The following CAMTA1 variants were observed in gnomAD, a reference collection of about 807,000 sequenced individuals.
CAMTA1 encodes the protein calmodulin-binding transcription activator 1.
Under a neutral mutation model 170.9 loss-of-function variants are expected in CAMTA1, and 27 were observed. That is an observed-to-expected ratio of 0.16 (90% CI 0.12 to 0.22). The LOEUF is 0.22. Ranked by LOEUF, CAMTA1 falls within the 10% of genes least tolerant of loss-of-function variation. CAMTA1 has a pLI of 1.00. For missense variants in CAMTA1, 1,619 were observed against 2,217.2 expected, an observed-to-expected ratio of 0.73 and a Z score of 5.42; for synonymous variants, 833 against 891.5, an observed-to-expected ratio of 0.93 and a Z score of 1.17.
chr1:7,042,556 A>G (rs1704632863), intron 3 of CAMTA1, among the ~76,000 whole-genome samples: 1 of 152,178 alleles, frequency 6.6e-6, no homozygotes, highest in Non-Finnish European at 1.5e-5. Context: ...CTTTTGCTAA[A>G]AACCTCCCTG....
At chr1:7,336,410 G>A (rs747187144) in intron 5 of CAMTA1, among the ~76,000 whole-genome samples, 1 of 152,246 alleles carries the variant, frequency 6.6e-6, no homozygotes, top group Non-Finnish European at 1.5e-5. Flanking sequence ...CAGACCAGGC[G>A]AATTGACTTG....
intron 11 of CAMTA1, among the ~76,000 whole-genome samples, chr1:7,703,097 CAG>C (rs2096459931): frequency 6.6e-6 from 1 of 152,312 alleles, no homozygotes; most frequent in African/African-American, 2.4e-5. Flanking sequence ...GGAAAACAAA[CAG>C]AACTCACTCA....
rs1033581848 is a variant in CAMTA1 at position 7,198,111 on chromosome 1, G to A, written c.303-51380G>A. Among the ~76,000 whole-genome samples the A allele has an allele frequency of 3.3e-5, 5 of 152,152 alleles. No individual in the cohort carries two copies. The East Asian group carries it at 9.6e-4, about 29-fold the overall frequency. On this transcript the variant is annotated intron_variant, in intron 4 of 22. Transcript: ENST00000303635. The stretch of plus-strand genomic sequence containing the variant: ...GATCCCCTGCTAGAACTTACTGATA[G>A]TAAGTTCTAGGATATTGGGGTGACC...
chr1:7,033,893 CTATTCTTATAAA>C (rs71568673), intron 3 of CAMTA1, among the ~76,000 whole-genome samples: 30,503 of 151,954 alleles, frequency 0.2, 3,278 homozygotes, highest in Non-Finnish European at 0.25. Flanking sequence ...CGTGCCCAGC[CTATTCTTATAAA>C]TATTCTTGAG....
intron 3 of CAMTA1, among the ~76,000 whole-genome samples, chr1:6,956,725 C>T (rs1305571808): frequency 6.6e-6 from 1 of 152,174 alleles, no homozygotes; most frequent in East Asian, 1.9e-4. Context: ...TTGTCATAAA[C>T]CACTTGTTCT....
At chr1:7,180,216 A>G (rs1558212250) in intron 4 of CAMTA1, among the ~76,000 whole-genome samples, 2 of 152,034 alleles carry the variant, frequency 1.3e-5, no homozygotes, top group African/African-American at 4.8e-5. Flanking sequence ...AAAATACAAA[A>G]ATTAGCTGAG....
At chr1:6,859,637 A>G (rs1368092029) in intron 3 of CAMTA1, among the ~76,000 whole-genome samples, 2 of 152,000 alleles carry the variant, frequency 1.3e-5, no homozygotes, top group Non-Finnish European at 2.9e-5. Context: ...AAAATAAACA[A>G]AATTAGCTGG....
chr1:7,758,230 A>G (rs1329553645), intron 22 of CAMTA1, among the ~76,000 whole-genome samples: 1 of 152,190 alleles, frequency 6.6e-6, no homozygotes, highest in East Asian at 1.9e-4. Context: ...TATGTTAATG[A>G]CCGTTTTTAA....
intron 3 of CAMTA1, among the ~76,000 whole-genome samples, chr1:7,018,144 TAACAGA>T: frequency 6.6e-6 from 1 of 151,458 alleles, no homozygotes; most frequent in East Asian, 1.9e-4. Flanking sequence ...CAGGGCTTTT[TAACAGA>T]TGGTCTCAGG....
intron 5 of CAMTA1, among the ~76,000 whole-genome samples, chr1:7,391,052 C>G (rs2088651882): frequency 6.6e-6 from 1 of 151,696 alleles, no homozygotes; most frequent in Non-Finnish European, 1.5e-5. Context: ...GGCTGGAGTG[C>G]AGTGACGCGA....
chr1:7,561,736 C>T lies in CAMTA1; in HGVS notation c.511-78664C>T, dbSNP rs938101601. ...CACTGTGTTAGATTCTTCACGACGC[C>T]TGTCAGAGGCCACCCCTCCCCAGCC... On this transcript the variant is annotated intron_variant, in intron 6 of 22. Transcript: ENST00000303635. This position sits in a 1 kb window ranked among gnomAD's most constrained non-coding sequence, Gnocchi z 5.3. 3.9e-5 allele frequency among the ~76,000 whole-genome samples: 6 copies of T among 152,030 alleles called. No homozygotes were observed. In the South Asian group the frequency reaches 1.0e-3, roughly 26 times the overall value.
At chr1:7,052,681 C>T (rs139353566) in intron 3 of CAMTA1, among the ~76,000 whole-genome samples, 32 of 152,262 alleles carry the variant, frequency 2.1e-4, no homozygotes, top group Admixed American at 5.2e-4. Context: ...TTGGGCTGTG[C>T]CCACACCCGC....
intron 3 of CAMTA1, among the ~76,000 whole-genome samples, chr1:6,944,981 C>T (rs1351447428): frequency 6.6e-6 from 1 of 152,138 alleles, no homozygotes; most frequent in African/African-American, 2.4e-5. Context: ...TTTATTGGGA[C>T]GTAGCCCCAT....
At chr1:7,053,344 A>G (rs1706751082) in intron 3 of CAMTA1, among the ~76,000 whole-genome samples, 1 of 152,044 alleles carries the variant, frequency 6.6e-6, no homozygotes, top group Non-Finnish European at 1.5e-5. Context: ...CTCTATGCCC[A>G]CCATCATTAG....
At chr1:7,174,102 A>G (rs1650244156) in intron 4 of CAMTA1, among the ~76,000 whole-genome samples, 1 of 152,102 alleles carries the variant, frequency 6.6e-6, no homozygotes, top group African/African-American at 2.4e-5. Flanking sequence ...CTCCCTGAGG[A>G]AAAACAGCTG....
At chr1:7,615,291 A>G (rs571582310) in intron 6 of CAMTA1, among the ~76,000 whole-genome samples, 24 of 152,326 alleles carry the variant, frequency 1.6e-4, no homozygotes, top group African/African-American at 5.8e-4. Context: ...CAAGAAGGGC[A>G]ATGCAGGCCT....
intron 6 of CAMTA1, among the ~76,000 whole-genome samples, chr1:7,514,547 A>C (rs904504293): frequency 6.6e-6 from 1 of 152,254 alleles, no homozygotes; most frequent in Non-Finnish European, 1.5e-5. Flanking sequence ...TTTGAAGGAC[A>C]TATGAGATTT....
chr1:7,637,275 G>A (rs542939667), intron 6 of CAMTA1, among the ~76,000 whole-genome samples: 9 of 152,364 alleles, frequency 5.9e-5, no homozygotes, highest in South Asian at 2.1e-4. Context: ...TCTCCCAGGC[G>A]TCTGGCATCT....
chr1:7,716,603 G>A (rs570675813), intron 11 of CAMTA1, among the ~76,000 whole-genome samples: 6 of 149,124 alleles, frequency 4.0e-5, no homozygotes, highest in South Asian at 4.4e-4. Context: ...TTTTTGGAAC[G>A]TCTTGGGCTT....
Sources: gnomAD v4.1 joint callset for allele counts (sites outside exome capture counted in the v4.1 genomes callset) on GRCh38, gnomAD v4.1.1 for gene constraint, Gnocchi (gnomAD v3.1) non-coding constraint, MANE v1.5 for transcripts, NCBI Gene and HGNC (gene_info 2026-07-23, HGNC 2026-07-21) for gene names.